PLA2G10: variants seen among roughly 807,000 people sequenced by gnomAD.
PLA2G10 encodes the protein phospholipase A2 group X.
PLA2G10 carries 9 observed loss-of-function variants against 7.9 expected under a neutral mutation model. The observed-to-expected ratio is 1.14, with a 90% CI of 0.68 to 1.98. The LOEUF (loss-of-function observed/expected upper bound fraction) is 1.98, where lower values mean the gene tolerates loss of function less well. Among genes scored for constraint, PLA2G10 ranks in the 30% most tolerant of loss-of-function variants. The pLI, the probability that PLA2G10 is intolerant of heterozygous loss-of-function variation, is 0.00. For missense variants in PLA2G10, 53 were observed against 65.4 expected, an observed-to-expected ratio of 0.81 and a Z score of 0.66; for synonymous variants, 19 against 27.5, an observed-to-expected ratio of 0.69 and a Z score of 0.97.
At chr16:14,676,218 C>T (rs920152495) in intron 3 of PLA2G10, among the ~76,000 whole-genome samples, 18 of 152,090 alleles carry the variant, frequency 1.2e-4, no homozygotes, top group African/African-American at 4.1e-4. Context: ...TCTCAAAGAA[C>T]GAAAAGTAAA....
Position 14,680,768 on chromosome 16 carries a change from G to C in PLA2G10, c.355+7397C>G, listed in dbSNP as rs907746634. Among the ~76,000 whole-genome samples the C allele has an allele frequency of 2.0e-5, 3 of 152,202 alleles. No homozygotes were observed. In the South Asian group the frequency reaches 6.2e-4, roughly 32 times the overall value. Reference sequence around the variant, plus strand: ...CACTTGGCGCACACACTACTTCCCTGTCTCCTCCTTTTTAACAATACCTCG... The same window carrying C: ...CACTTGGCGCACACACTACTTCCCTCTCTCCTCCTTTTTAACAATACCTCG... On this transcript the variant is annotated intron_variant, in intron 3 of 3. Transcript: ENST00000438167.
chr16:14,685,989 CTTTT>C (rs147554543), intron 3 of PLA2G10, among the ~76,000 whole-genome samples: 1 of 106,740 alleles, frequency 9.4e-6, no homozygotes, highest in Non-Finnish European at 1.9e-5. Context: ...TTTCTTTACT[CTTTT>C]TTTTTTTTTT....
At chr16:14,673,334 G>A (rs531901163) in intron 3 of PLA2G10, among the ~76,000 whole-genome samples, 2 of 150,552 alleles carry the variant, frequency 1.3e-5, no homozygotes, top group South Asian at 4.2e-4. Flanking sequence ...GATATTACAC[G>A]ACTTCATTTG....
At chr16:14,677,772 A>G (rs969590149) in intron 3 of PLA2G10, among the ~76,000 whole-genome samples, 2 of 151,298 alleles carry the variant, frequency 1.3e-5, no homozygotes, top group African/African-American at 4.9e-5. Context: ...GGCTGGATAG[A>G]TGGATGGTGG....
At chr16:14,682,318 C>A (rs1011753951) in intron 3 of PLA2G10, among the ~76,000 whole-genome samples, 1 of 152,162 alleles carries the variant, frequency 6.6e-6, no homozygotes, top group African/African-American at 2.4e-5. Flanking sequence ...CGCGGTGGCT[C>A]GTGCCTGTAA....
At chr16:14,675,767 C>T (rs1389122481) in intron 3 of PLA2G10, among the ~76,000 whole-genome samples, 1 of 151,600 alleles carries the variant, frequency 6.6e-6, no homozygotes, top group East Asian at 1.9e-4. Context: ...GGTGAAACCC[C>T]GTCTCTACTA....
intron 3 of PLA2G10, among the ~76,000 whole-genome samples, chr16:14,684,063 C>T (rs1258252855): frequency 6.6e-6 from 1 of 151,974 alleles, no homozygotes; most frequent in Non-Finnish European, 1.5e-5. Context: ...CTTATCTCTA[C>T]AAAAAGTTTA....
intron 3 of PLA2G10, among the ~76,000 whole-genome samples, chr16:14,682,724 G>A (rs536060047): frequency 2.6e-4 from 39 of 152,296 alleles, no homozygotes; most frequent in Middle Eastern, 3.4e-3. Flanking sequence ...AGGGGTCAGA[G>A]AGAAGTTCAG....
chr16:14,677,139 T>C (rs1960745490), intron 3 of PLA2G10, among the ~76,000 whole-genome samples: 1 of 152,178 alleles, frequency 6.6e-6, no homozygotes. Flanking sequence ...TTCAAAAGAA[T>C]ATTTCTGGAA....
chr16:14,674,732 GCATCA>G (rs1960681499), intron 3 of PLA2G10, among the ~76,000 whole-genome samples: 1 of 151,592 alleles, frequency 6.6e-6, no homozygotes, highest in Non-Finnish European at 1.5e-5. Context: ...AAATCTGTAG[GCATCA>G]CTACCCAGCT....
At chr16:14,674,031 A>G (rs904440155) in intron 3 of PLA2G10, among the ~76,000 whole-genome samples, 2 of 152,178 alleles carry the variant, frequency 1.3e-5, no homozygotes, top group African/African-American at 2.4e-5. Context: ...AATGAATTCA[A>G]TAAAGTCTCA....
In PLA2G10 at chr16:14,685,244, C is replaced by T. The variant is rs188167980; in HGVS notation, c.355+2921G>A. On this transcript the variant is annotated intron_variant, in intron 3 of 3. Coordinates refer to ENST00000438167, the MANE Select transcript of PLA2G10 (RefSeq NM_003561.3). ...AAAATTACCCAGGCATGGTGGTGCA[C>T]GTTTGTAATCCCAGCTACTCAGGAA... 4.4e-4 allele frequency among the ~76,000 whole-genome samples: 66 copies of T among 151,664 alleles called. No individual in the cohort carries two copies. In the East Asian group the frequency reaches 0.012, roughly 28 times the overall value.
At chr16:14,680,034 A>G (rs527238431) in intron 3 of PLA2G10, among the ~76,000 whole-genome samples, 2 of 151,758 alleles carry the variant, frequency 1.3e-5, no homozygotes, top group South Asian at 2.1e-4. Context: ...AAGCCTATAT[A>G]CATGACCTCT....
intron 3 of PLA2G10, among the ~76,000 whole-genome samples, chr16:14,673,841 C>T (rs1415691908): frequency 6.6e-6 from 1 of 152,068 alleles, no homozygotes; most frequent in African/African-American, 2.4e-5. Context: ...GACAAGGATG[C>T]CCACTCTCAC....
At chr16:14,677,689 C>A (rs1173986791) in intron 3 of PLA2G10, among the ~76,000 whole-genome samples, 2 of 152,048 alleles carry the variant, frequency 1.3e-5, no homozygotes, top group South Asian at 4.2e-4. Flanking sequence ...AGAAGAAACC[C>A]CATTCCCCTC....
intron 3 of PLA2G10, among the ~76,000 whole-genome samples, chr16:14,684,530 G>C (rs968016255): frequency 6.6e-6 from 1 of 151,920 alleles, no homozygotes; most frequent in Non-Finnish European, 1.5e-5. Context: ...GCTGGGCGTG[G>C]TGGCGGGCAC....
At chr16:14,677,005 C>T (rs1053678194) in intron 3 of PLA2G10, among the ~76,000 whole-genome samples, 1 of 152,062 alleles carries the variant, frequency 6.6e-6, no homozygotes, top group Non-Finnish European at 1.5e-5. Context: ...GTATTGGGTA[C>T]AATGTAGACT....
chr16:14,683,853 C>A (rs1043570051), intron 3 of PLA2G10, among the ~76,000 whole-genome samples: 2 of 152,112 alleles, frequency 1.3e-5, no homozygotes, highest in African/African-American at 4.8e-5. Context: ...TGTGCAAAGA[C>A]ACTATCAAGG....
intron 3 of PLA2G10, among the ~76,000 whole-genome samples, chr16:14,682,709 T>C (rs1960926147): frequency 6.6e-6 from 1 of 152,072 alleles, no homozygotes; most frequent in South Asian, 2.1e-4. Flanking sequence ...TCTCCAGGAG[T>C]TAGCAGGGGT....
Sources: gnomAD v4.1 joint callset for allele counts (sites outside exome capture counted in the v4.1 genomes callset) on GRCh38, gnomAD v4.1.1 for gene constraint, MANE v1.5 for transcripts, NCBI Gene and HGNC (gene_info 2026-07-23, HGNC 2026-07-21) for gene names.